TGS1: variants seen among roughly 807,000 people sequenced by gnomAD.
TGS1 encodes the protein trimethylguanosine synthase 1.
A neutral mutation model predicts 92.2 loss-of-function variants in TGS1; 69 were observed. The ratio of observed to expected loss-of-function variants is 0.75; its 90% CI spans 0.62 to 0.91. The LOEUF (loss-of-function observed/expected upper bound fraction) is 0.91. Among genes scored for constraint, TGS1 ranks in the 40% least tolerant of loss-of-function variants. TGS1 has a pLI of 0.00. For synonymous variants in TGS1, 345 were observed against 338.1 expected, an observed-to-expected ratio of 1.02 and a Z score of -0.22; for missense variants, 1,062 against 1,001.2, an observed-to-expected ratio of 1.06 and a Z score of -0.82.
intron 12 of TGS1, among the ~76,000 whole-genome samples, chr8:55,813,761 G>A (rs1286015485): frequency 6.6e-6 from 1 of 152,046 alleles, no homozygotes; most frequent in Non-Finnish European, 1.5e-5. Flanking sequence ...ATAAGAGAAT[G>A]TTAGTCTTTC....
intron 12 of TGS1, among the ~76,000 whole-genome samples, chr8:55,814,270 C>CTGATACTG (rs1326694662): frequency 1.3e-5 from 2 of 152,098 alleles, no homozygotes; most frequent in Admixed American, 1.3e-4. Flanking sequence ...AAAAAAACTA[C>CTGATACTG]TGATACTGTA....
intron 5 of TGS1, among the ~76,000 whole-genome samples, chr8:55,791,807 G>T (rs1340587188): frequency 1.3e-5 from 2 of 152,038 alleles, no homozygotes; most frequent in African/African-American, 4.8e-5. Flanking sequence ...TTTCTTGAAG[G>T]TTTATACACT....
At position 55,817,635 on chromosome 8, in the gene TGS1, A is replaced by G. The variant is rs147560882; in HGVS notation, c.2439+4517A>G. Among the ~76,000 whole-genome samples the G allele has an allele frequency of 1.5e-4, 23 of 152,220 alleles. 1 individual carries two copies. The East Asian group carries it at 4.2e-3, about 28-fold the overall frequency. On this transcript the variant is annotated intron_variant, in intron 12 of 12. Transcript: ENST00000260129. ...ACTAGATTTTTTTAATTTGTGTCAAATTTTTCTGAATTAAGTTAATATAGT... is the reference window on the plus strand; with the variant it reads ...ACTAGATTTTTTTAATTTGTGTCAAGTTTTTCTGAATTAAGTTAATATAGT...
rs186232074 is a variant in TGS1, at chr8:55,806,778, A to T, written c.2143+1742A>T. On this transcript the variant is annotated intron_variant, in intron 10 of 12. Coordinates refer to ENST00000260129, the MANE Select transcript of TGS1 (RefSeq NM_024831.8). ...AACTTGCCCAAGATTATACTGGCACACCTAATAACTTGAAGCCAAGGTCAT... is the reference window on the plus strand; with the variant it reads ...AACTTGCCCAAGATTATACTGGCACTCCTAATAACTTGAAGCCAAGGTCAT... Among the ~76,000 whole-genome samples the T allele has an allele frequency of 6.6e-5, 10 of 152,346 alleles. 1 individual carries two copies. Among genetic ancestry groups the T allele is most frequent in the Non-Finnish European group, 1.5e-5 (1 of 68,038 alleles).
chr8:55,802,267 A>G (rs1046617415), intron 8 of TGS1, among the ~76,000 whole-genome samples, 190 bp from the exon 9 acceptor site: 1 of 152,182 alleles, frequency 6.6e-6, no homozygotes, highest in Non-Finnish European at 1.5e-5. Flanking sequence ...TACAAAGCCA[A>G]TAAGTAGCAA....
intron 5 of TGS1, among the ~76,000 whole-genome samples, chr8:55,791,665 A>C (rs1239441930): frequency 6.6e-6 from 1 of 152,152 alleles, no homozygotes; most frequent in African/African-American, 2.4e-5. Context: ...GTGAAACTCT[A>C]ACCTTTTCCT....
intron 2 of TGS1, among the ~76,000 whole-genome samples, chr8:55,784,138 T>C (rs922110965): frequency 2.6e-5 from 4 of 152,228 alleles, no homozygotes; most frequent in Non-Finnish European, 4.4e-5. Context: ...TGCAGCCCAA[T>C]GCTAATTGAG....
At chr8:55,797,386 A>G (rs1245513409) in intron 7 of TGS1, among the ~76,000 whole-genome samples, 1 of 152,180 alleles carries the variant, frequency 6.6e-6, no homozygotes, top group African/African-American at 2.4e-5. Flanking sequence ...ACACGTGGGG[A>G]TTATGGGAAC....
At chr8:55,802,026 C>G (rs1276818628) in intron 8 of TGS1, among the ~76,000 whole-genome samples, 1 of 152,128 alleles carries the variant, frequency 6.6e-6, no homozygotes, top group Non-Finnish European at 1.5e-5. Flanking sequence ...AACCCCGTCT[C>G]TACTAAAATA....
At chr8:55,778,470 T>A (rs1012291043) in intron 1 of TGS1, among the ~76,000 whole-genome samples, 3 of 152,212 alleles carry the variant, frequency 2.0e-5, no homozygotes, top group African/African-American at 7.2e-5. Flanking sequence ...TAATATAGAT[T>A]CGTGGAGATA....
intron 8 of TGS1, among the ~76,000 whole-genome samples, chr8:55,801,746 G>C (rs1389877619): frequency 6.7e-6 from 1 of 150,072 alleles, no homozygotes; most frequent in Non-Finnish European, 1.5e-5. Context: ...CTACCACCAC[G>C]CCTAGCTGAT....
intron 4 of TGS1, among the ~76,000 whole-genome samples, chr8:55,789,332 TTGTTACTCTCATTATTAA>T (rs1811809197): frequency 1.3e-5 from 2 of 152,222 alleles, no homozygotes; most frequent in South Asian, 4.1e-4. Context: ...AGTATTGTCT[TTGTTACTCTCATTATTAA>T]TGTTACTTTC....
At position 55,811,064 on chromosome 8, in the gene TGS1, C is replaced by T; in HGVS notation, c.2327C>T (p.Thr776Ile). ...GGGCCAGACTATGCCACTGCAGAGA[C>T]CTTTGACATTAGAACAATGATGTCT... ...WGGPDYATAE[T>I]FDIRTMMSPD... Residue 776 changes from threonine to isoleucine, a missense_variant, in exon 11 of 13, where the codon ACC (threonine) becomes ATC (isoleucine). Thr to Ile is a moderately conservative substitution (Grantham distance 89). Coordinates refer to ENST00000260129, the MANE Select transcript of TGS1 (RefSeq NM_024831.8). 6.2e-7 allele frequency: 1 copy of T among 1,613,918 alleles called. No homozygotes were observed. Among genetic ancestry groups the T allele is most frequent in the Non-Finnish European group, 8.5e-7 (1 of 1,179,988 alleles).
intron 2 of TGS1, among the ~76,000 whole-genome samples, chr8:55,783,340 A>G (rs1413424862): frequency 1.3e-5 from 2 of 152,062 alleles, no homozygotes; most frequent in African/African-American, 4.8e-5. Flanking sequence ...AATCCCTTGA[A>G]CCCAGGAGGC....
chr8:55,785,928 C>T (rs995335620), intron 3 of TGS1, 37 bp downstream of exon 3: 8 of 1,515,158 alleles, frequency 5.3e-6, no homozygotes, highest in South Asian at 3.6e-5. Flanking sequence ...TCTCTCTCTT[C>T]GTTTTCTTTA....
At chr8:55,791,702 A>C (rs528969617) in intron 5 of TGS1, among the ~76,000 whole-genome samples, 16 of 152,200 alleles carry the variant, frequency 1.1e-4, no homozygotes, top group African/African-American at 3.9e-4. Context: ...TCATGAGGCC[A>C]CCTCATTCTG....
rs190322430 is a variant in TGS1 at position 55,805,831 on chromosome 8, G to A, written c.2143+795G>A. Reference sequence around the variant, plus strand: ...TAGGAGGCAGAGGTTGCAGTGAGCCGAGATCATGCCACTGCACTCCAGCCT... The same window carrying A: ...TAGGAGGCAGAGGTTGCAGTGAGCCAAGATCATGCCACTGCACTCCAGCCT... On this transcript the variant is annotated intron_variant, in intron 10 of 12. Transcript: ENST00000260129. 5.9e-3 allele frequency among the ~76,000 whole-genome samples: 876 copies of A among 148,334 alleles called. 5 individuals carry two copies. Among genetic ancestry groups the A allele is most frequent in the African/African-American group, 0.02 (810 of 40,102 alleles).
At chr8:55,807,381 C>T (rs1803199535) in intron 10 of TGS1, among the ~76,000 whole-genome samples, 1 of 152,036 alleles carries the variant, frequency 6.6e-6, no homozygotes, top group African/African-American at 2.4e-5. Flanking sequence ...GAAAGAAAAC[C>T]CCTCCCACTG....
intron 12 of TGS1, among the ~76,000 whole-genome samples, chr8:55,818,750 G>T (rs753110119): frequency 6.6e-6 from 1 of 152,162 alleles, no homozygotes; most frequent in African/African-American, 2.4e-5. Flanking sequence ...ACTTTTCTCC[G>T]TAAATGATGG....
Sources: gnomAD v4.1 joint callset for allele counts (sites outside exome capture counted in the v4.1 genomes callset) on GRCh38, gnomAD v4.1.1 for gene constraint, MANE v1.5 for transcripts, NCBI Gene and HGNC (gene_info 2026-07-23, HGNC 2026-07-21) for gene names.